Variants in CENPL observed in about 807,000 individuals in gnomAD.
CENPL encodes the protein centromere protein L.
Under a neutral mutation model 35.2 loss-of-function variants are expected in CENPL, and 20 were observed. That is an observed-to-expected ratio of 0.57 (90% CI 0.40 to 0.83). The LOEUF (loss-of-function observed/expected upper bound fraction) is 0.83, where lower values mean the gene tolerates loss of function less well. Ranked by LOEUF, CENPL falls within the 40% of genes least tolerant of loss-of-function variation. CENPL has a pLI of 0.00. For synonymous variants in CENPL, 140 were observed against 140.6 expected, an observed-to-expected ratio of 1.00 and a Z score of 0.03; for missense variants, 363 against 395.8, an observed-to-expected ratio of 0.92 and a Z score of 0.70.
chr1:173,820,675 C>T (rs887107656), intron 2 of CENPL, among the ~76,000 whole-genome samples: 5 of 152,092 alleles, frequency 3.3e-5, no homozygotes, highest in Admixed American at 6.6e-5. Flanking sequence ...GAAAACAACT[C>T]AGTGGGTGAA....
chr1:173,822,362 C>T (rs1652036119), intron 2 of CENPL: 1 of 152,040 alleles, frequency 6.6e-6, no homozygotes, highest in South Asian at 2.1e-4. Context: ...TTTATAGTTC[C>T]AATTTATTTA....
At chr1:173,807,174 T>A (rs1014091270) in intron 4 of CENPL, 93 bp downstream of exon 4, 34 of 1,197,766 alleles carry the variant, frequency 2.8e-5, no homozygotes, top group South Asian at 2.3e-4. Flanking sequence ...TAGGAAAAAA[T>A]TTTTTAAGTT....
chr1:173,814,277 G>A (rs1651138888), intron 2 of CENPL, among the ~76,000 whole-genome samples: 1 of 152,120 alleles, frequency 6.6e-6, no homozygotes, highest in South Asian at 2.1e-4. Context: ...AGATCAACGA[G>A]ACAGAAGGTT....
chr1:173,809,705 A>G (rs1650618408), intron 3 of CENPL, among the ~76,000 whole-genome samples: 1 of 152,182 alleles, frequency 6.6e-6, no homozygotes, highest in Admixed American at 6.5e-5. Flanking sequence ...CAACAATCAT[A>G]TGAAGAAAAG....
intron 4 of CENPL, among the ~76,000 whole-genome samples, chr1:173,805,458 T>C (rs918337205): frequency 1.4e-4 from 21 of 146,798 alleles, no homozygotes; most frequent in African/African-American, 5.4e-4. Flanking sequence ...GAGGTTGCAG[T>C]GAGCCAAGAC....
At chr1:173,823,670 G>A (rs1652230003) in intron 2 of CENPL, 1 of 152,114 alleles carries the variant, frequency 6.6e-6, no homozygotes, top group Non-Finnish European at 1.5e-5. Context: ...AATTCCACTT[G>A]CAGTTGTGGT....
At chr1:173,805,889 T>C (rs1571958535) in intron 4 of CENPL, among the ~76,000 whole-genome samples, 1 of 152,194 alleles carries the variant, frequency 6.6e-6, no homozygotes, top group Non-Finnish European at 1.5e-5. Context: ...TTTAATTCAC[T>C]GTTATTTAGG....
intron 2 of CENPL, among the ~76,000 whole-genome samples, chr1:173,813,516 A>G (rs1230683446): frequency 6.6e-6 from 1 of 152,226 alleles, no homozygotes; most frequent in Non-Finnish European, 1.5e-5. Context: ...GTGGGGGCCA[A>G]TATTCAACAT....
intron 4 of CENPL, chr1:173,806,583 C>A: frequency 3.5e-6 from 1 of 288,966 alleles, no homozygotes; most frequent in East Asian, 1.3e-4. Context: ...GACCCTGTCT[C>A]AAAAAAATAA....
Position 173,800,476 on chromosome 1 carries a change from G to T in CENPL, c.1007C>A (p.Thr336Lys). ...CTCAATTTGAAAAATTGCCAGTTCTGTCAAATATGCTAACACTCCAATAAG... is the reference window on the plus strand; with the variant it reads ...CTCAATTTGAAAAATTGCCAGTTCTTTCAAATATGCTAACACTCCAATAAG... The part of the protein sequence containing the change: ...KYLIGVLAYL[T>K]ELAIFQIE The change falls in exon 6 of 6, where the codon ACA becomes AAA. Residue 336 changes from threonine (T) to lysine (K), a missense_variant. Physicochemically the swap from Thr to Lys is moderately conservative, Grantham distance 78. Transcript: ENST00000682279. 6.7e-7 allele frequency: 1 copy of T among 1,493,684 alleles called. No homozygotes were observed. Among genetic ancestry groups the T allele is most frequent in the Non-Finnish European group, 9.3e-7 (1 of 1,072,232 alleles). The allele number at this position is 1,493,684 out of a possible 1,614,324, so 92.5% of individuals were successfully genotyped here.
At chr1:173,811,997 G>A (rs1436879650) in intron 2 of CENPL, among the ~76,000 whole-genome samples, 1 of 152,240 alleles carries the variant, frequency 6.6e-6, no homozygotes, top group Admixed American at 6.5e-5. Context: ...CTGGCAACCG[G>A]CAGACTAGGA....
chr1:173,802,384 T>A (rs974755456), intron 5 of CENPL, among the ~76,000 whole-genome samples: 1 of 152,034 alleles, frequency 6.6e-6, no homozygotes, highest in Non-Finnish European at 1.5e-5. Context: ...TTTTTTGTAT[T>A]TTTAGTGGAG....
chr1:173,803,300 C>A lies in CENPL; in HGVS notation c.626G>T (p.Ser209Ile). Residue 209 changes from serine (S) to isoleucine (I), a missense_variant, in exon 5 of 6, where the codon AGT becomes ATT. Transcript: ENST00000682279. The stretch of plus-strand genomic sequence containing the variant: ...ATTAAATGCATTGATTGCTAAAGGA[C>A]TGAAATAACAGTCAAAGGTTTTCTG... ...WFQKTFDCYF[S>I]PLAINAFNLS... is the part of the protein sequence containing the mutation. 1 of 1,613,702 alleles carries A rather than the reference C, an allele frequency of 6.2e-7. No homozygotes were observed. The highest frequency in any genetic ancestry group is 8.5e-7 in the Non-Finnish European group (1 of 1,179,594).
At chr1:173,803,595 C>T (rs968543924) in intron 4 of CENPL, 90 bp from the exon 5 acceptor site, 12 of 1,182,564 alleles carry the variant, frequency 1.0e-5, no homozygotes, top group African/African-American at 6.2e-5. Flanking sequence ...AAAAATAAGA[C>T]GAGCCAATGT....
intron 2 of CENPL, chr1:173,823,289 A>C (rs935998980): frequency 3.3e-5 from 5 of 151,928 alleles, no homozygotes; most frequent in Non-Finnish European, 7.3e-5. Flanking sequence ...TTATTATCTG[A>C]TCCTATCCAG....
At chr1:173,805,407 T>C (rs1470326991) in intron 4 of CENPL, among the ~76,000 whole-genome samples, 1 of 150,340 alleles carries the variant, frequency 6.7e-6, no homozygotes, top group Non-Finnish European at 1.5e-5. Context: ...CCTAGCTACT[T>C]GGGGGGCTGA....
intron 4 of CENPL, chr1:173,806,438 C>A: frequency 2.2e-6 from 1 of 445,556 alleles, no homozygotes; most frequent in Non-Finnish European, 4.5e-6. Context: ...ACAAAATTTA[C>A]CCGAGTGTGG....
intron 3 of CENPL, 123 bp downstream of exon 3, chr1:173,811,005 TTCTC>T (rs1650765668): frequency 1.4e-5 from 11 of 760,050 alleles, no homozygotes; most frequent in Admixed American, 1.0e-4. Context: ...AATTGTTTCT[TTCTC>T]ATTTATTTTA....
chr1:173,806,361 G>A, intron 4 of CENPL: 7 of 365,278 alleles, frequency 1.9e-5, no homozygotes, highest in Non-Finnish European at 3.9e-5. Flanking sequence ...CAAGGTGGGT[G>A]GATCACTTGA....
Sources: gnomAD v4.1 joint callset for allele counts (sites outside exome capture counted in the v4.1 genomes callset) on GRCh38, gnomAD v4.1.1 for gene constraint, MANE v1.5 for transcripts, NCBI Gene and HGNC (gene_info 2026-07-23, HGNC 2026-07-21) for gene names.